SEPTIN10: variants seen among roughly 807,000 people sequenced by gnomAD.
SEPTIN10 encodes the protein septin 10.
In SEPTIN10, 66 loss-of-function variants were observed where a neutral mutation model predicts 54.8. The ratio of observed to expected loss-of-function variants is 1.21; its 90% CI spans 0.99 to 1.48. SEPTIN10 has a LOEUF of 1.48. SEPTIN10 is among the 40% of genes most tolerant of loss of function. The pLI is 0.00. For missense variants in SEPTIN10, 620 were observed against 545.6 expected (o/e 1.14, Z -1.36); for synonymous variants, 161 against 181.0 (o/e 0.89, Z 0.89).
In SEPTIN10 at chr2:109,565,822, T is replaced by C; in HGVS notation, c.800A>G (p.Glu267Gly). The change falls in exon 7 of 11, where the codon GAG becomes GGG. Residue 267 changes from glutamate (E) to glycine (G), a missense_variant. Coordinates refer to ENST00000397712, the MANE Select transcript of SEPTIN10 (RefSeq NM_144710.5). Reference protein sequence around the residue: ...LPFAVVGSMDEVKVGNKMVKA... With the variant: ...LPFAVVGSMDGVKVGNKMVKA... Reference sequence around the variant, plus strand: ...GACCATCTTGTTTCCGACTTTTACCTCATCCATACTTCCCACAACAGCAAA... The same window carrying C: ...GACCATCTTGTTTCCGACTTTTACCCCATCCATACTTCCCACAACAGCAAA... 6.2e-7 allele frequency: 1 copy of C among 1,614,084 alleles called. No homozygotes were observed. The highest frequency in any genetic ancestry group is 1.7e-5 in the Admixed American group (1 of 59,998).
intron 8 of SEPTIN10, among the ~76,000 whole-genome samples, chr2:109,562,364 C>A (rs7423840): frequency 1.3e-5 from 2 of 151,952 alleles, no homozygotes; most frequent in South Asian, 2.1e-4. Context: ...CTCCCCACTT[C>A]CACCTGCCCC....
At chr2:109,597,584 A>G (rs1198442080) in intron 1 of SEPTIN10, among the ~76,000 whole-genome samples, 3 of 152,226 alleles carry the variant, frequency 2.0e-5, no homozygotes, top group Non-Finnish European at 4.4e-5. Context: ...CTACACAGTC[A>G]ATTTGCTTTT....
intron 9 of SEPTIN10, among the ~76,000 whole-genome samples, chr2:109,547,221 A>C (rs919167370): frequency 1.3e-4 from 20 of 152,246 alleles, no homozygotes; most frequent in African/African-American, 4.3e-4. Context: ...AGAGACTCCA[A>C]GTCCTTTTCC....
At chr2:109,609,673 A>C (rs1386404705) in intron 1 of SEPTIN10, among the ~76,000 whole-genome samples, 1 of 152,146 alleles carries the variant, frequency 6.6e-6, no homozygotes, top group Non-Finnish European at 1.5e-5. Flanking sequence ...TCAAGACAGA[A>C]AGTAAAACAA....
chr2:109,579,624 C>G (rs562459415), intron 4 of SEPTIN10, among the ~76,000 whole-genome samples: 4 of 151,126 alleles, frequency 2.6e-5, no homozygotes, highest in African/African-American at 7.3e-5. Flanking sequence ...CTCAGGTGAT[C>G]CACCCACCTT....
intron 1 of SEPTIN10, among the ~76,000 whole-genome samples, chr2:109,603,186 T>C (rs1172051107): frequency 6.6e-6 from 1 of 152,134 alleles, no homozygotes; most frequent in South Asian, 2.1e-4. Flanking sequence ...ATGCTTATTG[T>C]TTTTCACTTA....
rs1680782043 is a variant in SEPTIN10 at position 109,544,858 on chromosome 2, A to AG, written c.1350-535dup. On this transcript the variant is annotated intron_variant, in intron 10 of 10. Coordinates refer to ENST00000397712, the MANE Select transcript of SEPTIN10 (RefSeq NM_144710.5). ...CTGGGGATGGCTATATCAATGAACA[A>AG]GATAAAGATCCATGCCCTTGGAGAG... 2.5e-5 allele frequency: 20 copies of AG among 813,788 alleles called. No individual in the cohort carries two copies. The South Asian group carries it at 1.0e-3, about 41-fold the overall frequency. The allele number at this position is 813,788 out of a possible 1,614,324, so 50.4% of individuals were successfully genotyped here.
intron 2 of SEPTIN10, among the ~76,000 whole-genome samples, chr2:109,590,091 T>C (rs911895758): frequency 6.7e-6 from 1 of 148,314 alleles, no homozygotes. Flanking sequence ...TGTATATATA[T>C]ACACACATAT....
chr2:109,612,502 C>T (rs748250745), intron 1 of SEPTIN10, among the ~76,000 whole-genome samples: 3 of 152,184 alleles, frequency 2.0e-5, no homozygotes, highest in Non-Finnish European at 4.4e-5. Flanking sequence ...TTATTTCTTA[C>T]AACTGCATAT....
intron 9 of SEPTIN10, among the ~76,000 whole-genome samples, chr2:109,551,283 T>C (rs115228532): frequency 0.011 from 1,713 of 152,358 alleles, 12 homozygotes; most frequent in Non-Finnish European, 0.017. Flanking sequence ...TTCACAACAA[T>C]ATTGGCAAGG....
At chr2:109,583,434 T>C (rs1038694345) in intron 4 of SEPTIN10, among the ~76,000 whole-genome samples, 1 of 152,064 alleles carries the variant, frequency 6.6e-6, no homozygotes, top group Non-Finnish European at 1.5e-5. Context: ...AAAACCACAA[T>C]GAGATACCAT....
chr2:109,578,791 T>C (rs1459096647), intron 4 of SEPTIN10, among the ~76,000 whole-genome samples: 3 of 151,886 alleles, frequency 2.0e-5, no homozygotes, highest in African/African-American at 7.3e-5. Flanking sequence ...AAAAGAAATT[T>C]ACTGAAATTG....
intron 4 of SEPTIN10, among the ~76,000 whole-genome samples, chr2:109,575,170 T>C (rs905899743): frequency 6.6e-6 from 1 of 152,222 alleles, no homozygotes; most frequent in Non-Finnish European, 1.5e-5. Context: ...GTCATTCACA[T>C]GCTGGGTCCC....
At chr2:109,555,089 C>T (rs1380209638) in intron 8 of SEPTIN10, among the ~76,000 whole-genome samples, 2 of 152,194 alleles carry the variant, frequency 1.3e-5, no homozygotes, top group Non-Finnish European at 2.9e-5. Context: ...CTCTGAGCTT[C>T]TAGTTCCTCT....
At chr2:109,544,906 G>C in intron 10 of SEPTIN10, 1 of 947,586 alleles carries the variant, frequency 1.1e-6, no homozygotes, top group Non-Finnish European at 1.3e-6. Context: ...GATCATACAT[G>C]AGAATTCCTT....
intron 8 of SEPTIN10, among the ~76,000 whole-genome samples, chr2:109,561,446 C>A (rs545638638): frequency 6.6e-6 from 1 of 152,124 alleles, no homozygotes; most frequent in Non-Finnish European, 1.5e-5. Context: ...AACTCCCCTA[C>A]AAGAACATAA....
At chr2:109,592,672 C>T (rs913901874) in intron 2 of SEPTIN10, among the ~76,000 whole-genome samples, 2 of 138,850 alleles carry the variant, frequency 1.4e-5, no homozygotes, top group Admixed American at 7.3e-5. Context: ...CCCAGCTACT[C>T]GGGAGGCTGA....
At chr2:109,580,380 A>G (rs1006105242) in intron 4 of SEPTIN10, among the ~76,000 whole-genome samples, 1 of 151,368 alleles carries the variant, frequency 6.6e-6, no homozygotes, top group African/African-American at 2.4e-5. Flanking sequence ...GTGAAAGCAT[A>G]TATTAATGAT....
chr2:109,544,113 C>A lies in SEPTIN10; in HGVS notation c.*196G>T. 6.6e-7 allele frequency: 1 copy of A among 1,509,422 alleles called. No individual in the cohort carries two copies. 93.5% of individuals were successfully genotyped at this position (1,509,422 alleles called of 1,614,324 possible). On this transcript the variant is annotated 3_prime_UTR_variant, in exon 11 of 11. Transcript: ENST00000397712. ...AGATTTTTGAATTAGAGATGCTCAA[C>A]TTGTAGTATCATTCACTCTGGCTTA...
Sources: allele counts gnomAD v4.1 joint callset (sites outside exome capture counted in the v4.1 genomes callset), GRCh38; gene constraint gnomAD v4.1.1; transcripts MANE v1.5; gene names NCBI Gene and HGNC (gene_info 2026-07-23, HGNC 2026-07-21).